GPM6A: variants seen among roughly 807,000 people sequenced by gnomAD.
The protein encoded by GPM6A is glycoprotein M6A.
Under a neutral mutation model 32.1 loss-of-function variants are expected in GPM6A, and 7 were observed. That is an observed-to-expected ratio of 0.22 (90% confidence interval 0.12 to 0.41). GPM6A has a LOEUF of 0.41. Ranked by LOEUF, GPM6A falls within the 10% of genes least tolerant of loss-of-function variation. The pLI is 1.00. For synonymous variants in GPM6A, 130 were observed against 123.4 expected, an observed-to-expected ratio of 1.05 and a Z score of -0.35; for missense variants, 235 against 347.2, an observed-to-expected ratio of 0.68 and a Z score of 2.57.
intron 3 of GPM6A, among the ~76,000 whole-genome samples, chr4:175,656,395 C>T (rs897512332): frequency 5.9e-5 from 9 of 152,066 alleles, no homozygotes; most frequent in South Asian, 2.1e-4. Context: ...TTTGTTTTTA[C>T]TCAGTATAAA....
At chr4:175,961,912 A>C (rs955065456) in intron 1 of GPM6A, 8 of 323,370 alleles carry the variant, frequency 2.5e-5, no homozygotes, top group Non-Finnish European at 4.0e-5. Context: ...TCAGTAAAAA[A>C]CTGAGTCCTA....
At chr4:175,899,198 G>A (rs1242188520) in intron 1 of GPM6A, among the ~76,000 whole-genome samples, 1 of 151,982 alleles carries the variant, frequency 6.6e-6, no homozygotes, top group Non-Finnish European at 1.5e-5. Context: ...ATGTAATTTT[G>A]TATTTATTTG....
intron 1 of GPM6A, among the ~76,000 whole-genome samples, chr4:175,725,802 T>C (rs1026166393): frequency 1.3e-5 from 2 of 152,178 alleles, no homozygotes; most frequent in Admixed American, 6.5e-5. Context: ...ATTTGTATGC[T>C]ATTTTGCATT....
intron 1 of GPM6A, among the ~76,000 whole-genome samples, chr4:175,910,206 C>G (rs1480849342): frequency 6.6e-6 from 1 of 152,176 alleles, no homozygotes; most frequent in Non-Finnish European, 1.5e-5. Context: ...CAGCACACCA[C>G]TGGTTTCCCT....
chr4:175,754,252 T>C (rs2111194977), intron 1 of GPM6A, among the ~76,000 whole-genome samples: 1 of 152,250 alleles, frequency 6.6e-6, no homozygotes, highest in African/African-American at 2.4e-5. Flanking sequence ...AACAGTCTCC[T>C]TGATATGCTC....
At chr4:175,804,325 G>A (rs1327586516) in intron 1 of GPM6A, among the ~76,000 whole-genome samples, 1 of 152,130 alleles carries the variant, frequency 6.6e-6, no homozygotes, top group Non-Finnish European at 1.5e-5. Flanking sequence ...CTAGAAAAAT[G>A]GAGAAATCAT....
At chr4:175,676,262 G>T (rs1743361839) in intron 2 of GPM6A, among the ~76,000 whole-genome samples, 1 of 152,150 alleles carries the variant, frequency 6.6e-6, no homozygotes, top group Non-Finnish European at 1.5e-5. Context: ...AGCAGCCTGA[G>T]AACGGACTAA....
intron 2 of GPM6A, among the ~76,000 whole-genome samples, chr4:175,701,035 T>C (rs1297644850): frequency 1.3e-5 from 2 of 152,164 alleles, no homozygotes; most frequent in Non-Finnish European, 2.9e-5. Context: ...TAATTGGTGT[T>C]TGAAAAAAAA....
chr4:175,886,952 C>T (rs560875710), intron 1 of GPM6A, among the ~76,000 whole-genome samples: 2 of 151,784 alleles, frequency 1.3e-5, no homozygotes, highest in East Asian at 3.9e-4. Flanking sequence ...AGTATATATG[C>T]CAGGTAAATA....
intron 1 of GPM6A, among the ~76,000 whole-genome samples, chr4:175,993,375 T>C (rs1741210890): frequency 6.6e-6 from 1 of 152,060 alleles, no homozygotes; most frequent in Non-Finnish European, 1.5e-5. Flanking sequence ...TTAAAACTCT[T>C]TTTTTTTCTT....
intron 1 of GPM6A, among the ~76,000 whole-genome samples, chr4:175,753,145 C>A (rs1015511321): frequency 6.6e-6 from 1 of 152,086 alleles, no homozygotes; most frequent in African/African-American, 2.4e-5. Context: ...TTTTCAACAT[C>A]ATTAATATTT....
intron 1 of GPM6A, among the ~76,000 whole-genome samples, chr4:175,898,873 G>T (rs1308638486): frequency 6.6e-6 from 1 of 152,100 alleles, no homozygotes; most frequent in African/African-American, 2.4e-5. Flanking sequence ...AGGTCACAAG[G>T]ATTCGATTAC....
rs764196588 is a variant in GPM6A at position 175,640,117 on chromosome 4, T to C, written c.684+12A>G. Reference sequence around the variant, plus strand: ...ACATTGAAAACCAAGCACCAGCGCTTTGAGGTCTTACCATAGCAATGACTG... The same window carrying C: ...ACATTGAAAACCAAGCACCAGCGCTCTGAGGTCTTACCATAGCAATGACTG... On this transcript the variant is annotated intron_variant, in intron 6 of 6. Transcript: ENST00000393658. 1 of 1,604,064 alleles carries C rather than the reference T, an allele frequency of 6.2e-7. No homozygotes were observed. Among genetic ancestry groups the C allele is most frequent in the Non-Finnish European group, 8.5e-7 (1 of 1,170,838 alleles).
chr4:175,634,901 G>A lies in GPM6A; in HGVS notation c.*4C>T, dbSNP rs1320407663. ...CAAATGGTAGAAAGAACAGGAAGAT[G>A]CATTTATGTGTATGCATTGAGCCGC... is the stretch of plus-strand genomic sequence containing the variant. On this transcript the variant is annotated 3_prime_UTR_variant, in exon 7 of 7. Transcript: ENST00000393658. 6.2e-7 allele frequency: 1 copy of A among 1,610,466 alleles called. No homozygotes were observed. The highest frequency in any genetic ancestry group is 2.2e-5 in the East Asian group (1 of 44,806).
intron 3 of GPM6A, among the ~76,000 whole-genome samples, chr4:175,663,724 C>T (rs1291728103): frequency 1.4e-5 from 2 of 142,114 alleles, no homozygotes; most frequent in Non-Finnish European, 3.0e-5. Flanking sequence ...GATGGAGTCT[C>T]GCTTTGTCGC....
At chr4:175,721,650 A>T (rs901364672) in intron 1 of GPM6A, among the ~76,000 whole-genome samples, 20 of 152,220 alleles carry the variant, frequency 1.3e-4, no homozygotes. Flanking sequence ...TACTACATAA[A>T]TAACATTATT....
chr4:175,816,385 T>G (rs1224637543), upstream of GPM6A, among the ~76,000 whole-genome samples: 1 of 152,230 alleles, frequency 6.6e-6, no homozygotes, highest in African/African-American at 2.4e-5. Flanking sequence ...ATTTGGAGCT[T>G]CCTTTAACAC....
intron 1 of GPM6A, among the ~76,000 whole-genome samples, chr4:175,895,135 G>C (rs1343381412): frequency 6.6e-6 from 1 of 152,058 alleles, no homozygotes; most frequent in Non-Finnish European, 1.5e-5. Flanking sequence ...AATCTTCTTT[G>C]ATCTTTAGAA....
At chr4:175,945,695 T>TAATATA in intron 1 of GPM6A, among the ~76,000 whole-genome samples, 1 of 150,884 alleles carries the variant, frequency 6.6e-6, no homozygotes, top group South Asian at 2.1e-4. Context: ...ATAACTTATA[T>TAATATA]TACTTGTAAG....
Sources: gnomAD v4.1 joint callset for allele counts (sites outside exome capture counted in the v4.1 genomes callset) on GRCh38, gnomAD v4.1.1 for gene constraint, MANE v1.5 for transcripts, NCBI Gene and HGNC (gene_info 2026-07-23, HGNC 2026-07-21) for gene names.